C12orf42: variants seen among roughly 807,000 people sequenced by gnomAD.
C12orf42 encodes the protein chromosome 12 open reading frame 42.
A neutral mutation model predicts 21.6 loss-of-function variants in C12orf42; 25 were observed. The ratio of observed to expected loss-of-function variants is 1.16; its 90% CI spans 0.84 to 1.62. The LOEUF is 1.62. C12orf42 is among the 40% of genes most tolerant of loss of function. The pLI is 0.00. For synonymous variants in C12orf42, 174 were observed against 175.0 expected (o/e 0.99, Z 0.05); for missense variants, 483 against 459.3 (o/e 1.05, Z -0.47).
chr12:103,495,517 C>T (rs1469588299), intron 1 of C12orf42, among the ~76,000 whole-genome samples: 1 of 152,174 alleles, frequency 6.6e-6, no homozygotes, highest in African/African-American at 2.4e-5. Flanking sequence ...GCGCGGGGCG[C>T]ATTGTGGGCC....
chr12:103,097,525 CAG>C, the C12orf42 span, among the ~76,000 whole-genome samples: 1 of 152,194 alleles, frequency 6.6e-6, no homozygotes, highest in African/African-American at 2.4e-5. Context: ...GAGTTGTCTA[CAG>C]AGTCTTTCAA....
At chr12:103,066,049 C>A in the C12orf42 span, among the ~76,000 whole-genome samples, 2 of 152,134 alleles carry the variant, frequency 1.3e-5, no homozygotes, top group Admixed American at 6.5e-5. Context: ...TGGCAGGCCC[C>A]CCTAGGTGAA....
the C12orf42 span, chr12:103,164,506 C>G: frequency 2.2e-6 from 1 of 449,590 alleles, no homozygotes; most frequent in African/African-American, 2.0e-5. Flanking sequence ...CTTTATTTGC[C>G]AGGAAAGAAT....
At chr12:103,191,317 G>A in the C12orf42 span, among the ~76,000 whole-genome samples, 5 of 151,928 alleles carry the variant, frequency 3.3e-5, no homozygotes, top group Non-Finnish European at 7.4e-5. Context: ...AGCTTGTGAA[G>A]GTATAAATCT....
chr12:103,116,305 G>A, the C12orf42 span, among the ~76,000 whole-genome samples: 2 of 150,698 alleles, frequency 1.3e-5, no homozygotes, highest in South Asian at 4.2e-4. Flanking sequence ...CAGAGGATGC[G>A]GTGAGCTGAG....
chr12:103,275,960 C>A (rs2035748556), intron 5 of C12orf42, among the ~76,000 whole-genome samples: 1 of 152,100 alleles, frequency 6.6e-6, no homozygotes, highest in South Asian at 2.1e-4. Context: ...GTAATCCCTA[C>A]TACTCAGGAG....
chr12:103,088,613 C>A, the C12orf42 span, among the ~76,000 whole-genome samples: 1 of 152,178 alleles, frequency 6.6e-6, no homozygotes, highest in East Asian at 1.9e-4. Flanking sequence ...CATGTCCCTG[C>A]GGAGTCTCCT....
chr12:103,539,463 T>A, the C12orf42 span, among the ~76,000 whole-genome samples: 1 of 152,182 alleles, frequency 6.6e-6, no homozygotes, highest in Non-Finnish European at 1.5e-5. Flanking sequence ...CCAGTTCTGT[T>A]CCCACGCCTC....
chr12:103,155,522 G>A, the C12orf42 span, among the ~76,000 whole-genome samples: 1 of 152,116 alleles, frequency 6.6e-6, no homozygotes, highest in East Asian at 1.9e-4. Context: ...ACACATTGGA[G>A]CTGCTGCTCC....
At chr12:103,429,653 T>C (rs923620635) in intron 2 of C12orf42, among the ~76,000 whole-genome samples, 16 of 152,084 alleles carry the variant, frequency 1.1e-4, no homozygotes, top group African/African-American at 3.9e-4. Context: ...AAAGAGTCCA[T>C]ATAGCTAAGA....
At chr12:103,266,361 G>T (rs981445425), downstream of C12orf42, among the ~76,000 whole-genome samples, 1 of 152,078 alleles carries the variant, frequency 6.6e-6, no homozygotes, top group Non-Finnish European at 1.5e-5. Flanking sequence ...CTTCCTAAAT[G>T]ATATCATTTA....
At chr12:103,401,168 C>A (rs567750344) in intron 3 of C12orf42, among the ~76,000 whole-genome samples, 4 of 152,056 alleles carry the variant, frequency 2.6e-5, no homozygotes, top group African/African-American at 9.7e-5. Context: ...GCGTTAGCAA[C>A]CAATTAGTAG....
At chr12:103,488,447 C>A (rs112217801) in intron 1 of C12orf42, among the ~76,000 whole-genome samples, 2,029 of 152,128 alleles carry the variant, frequency 0.013, 52 homozygotes, top group African/African-American at 0.046. Flanking sequence ...GCTCTTCTTG[C>A]GGAGTATCTT....
At chr12:103,370,694 C>T (rs2137942074) in intron 3 of C12orf42, among the ~76,000 whole-genome samples, 1 of 151,934 alleles carries the variant, frequency 6.6e-6, no homozygotes, top group South Asian at 2.1e-4. Flanking sequence ...AACATGGATA[C>T]TAGAAGGGAA....
In C12orf42 at chr12:103,381,055, T is replaced by C. The variant is rs112814667; in HGVS notation, c.148-12057A>G. Reference sequence around the variant, plus strand: ...CTCAGAAAACTTATTTTCTGTGATATGTCTCGAGCTGCTTGTATTACAGAA... The same window carrying C: ...CTCAGAAAACTTATTTTCTGTGATACGTCTCGAGCTGCTTGTATTACAGAA... On this transcript the variant is annotated intron_variant, in intron 3 of 5. Coordinates refer to ENST00000548883, the MANE Select transcript of C12orf42 (RefSeq NM_198521.5). 7.5e-3 allele frequency among the ~76,000 whole-genome samples: 1,142 copies of C among 152,350 alleles called. 13 individuals carry two copies. Among genetic ancestry groups the C allele is most frequent in the African/African-American group, 0.026 (1,068 of 41,570 alleles).
At chr12:103,369,140 A>G (rs963349941) in intron 3 of C12orf42, 142 bp from the exon 4 acceptor site, 53 of 556,150 alleles carry the variant, frequency 9.5e-5, no homozygotes, top group Non-Finnish European at 1.6e-4. Context: ...AAATGAAACA[A>G]TCCTGAAAAC....
At chr12:103,321,149 A>C (rs2040056692) in intron 4 of C12orf42, among the ~76,000 whole-genome samples, 1 of 152,080 alleles carries the variant, frequency 6.6e-6, no homozygotes, top group South Asian at 2.1e-4. Flanking sequence ...ATCTACAAAG[A>C]ACTCAAACAA....
At chr12:103,235,222 C>T (rs1037860442), downstream of C12orf42, among the ~76,000 whole-genome samples, 1 of 152,142 alleles carries the variant, frequency 6.6e-6, no homozygotes, top group Non-Finnish European at 1.5e-5. Context: ...AATTTGGCAG[C>T]TCAGTTTACA....
chr12:103,202,926 ATT>A, the C12orf42 span, among the ~76,000 whole-genome samples: 1 of 152,142 alleles, frequency 6.6e-6, no homozygotes, highest in Admixed American at 6.5e-5. Flanking sequence ...TGTCATCTAA[ATT>A]TGTCCTAGCA....
Sources: gnomAD v4.1 joint callset for allele counts (sites outside exome capture counted in the v4.1 genomes callset) on GRCh38, gnomAD v4.1.1 for gene constraint, MANE v1.5 for transcripts, NCBI Gene and HGNC (gene_info 2026-07-23, HGNC 2026-07-21) for gene names.